SORL1: variants seen among roughly 807,000 people sequenced by gnomAD.
SORL1 encodes the protein sortilin-related receptor.
A neutral mutation model predicts 273.7 loss-of-function variants in SORL1; 127 were observed. The ratio of observed to expected loss-of-function variants is 0.46; its 90% CI spans 0.40 to 0.54. The LOEUF (loss-of-function observed/expected upper bound fraction) is 0.54, where lower values mean the gene tolerates loss of function less well. Ranked by LOEUF, SORL1 falls within the 20% of genes least tolerant of loss-of-function variation. The pLI, the probability that SORL1 is intolerant of heterozygous loss-of-function variation, is 0.00. For synonymous variants in SORL1, 1,031 were observed against 1,067.4 expected, an observed-to-expected ratio of 0.97 and a Z score of 0.66; for missense variants, 2,494 against 2,846.1, an observed-to-expected ratio of 0.88 and a Z score of 2.81.
rs1860824636 is a variant in SORL1, at chr11:121,452,712, G to A, written c.285+96G>A. On this transcript the variant is annotated intron_variant, in intron 1 of 47. Transcript: ENST00000260197. This position sits in a 1 kb window ranked among gnomAD's most constrained non-coding sequence, Gnocchi z 5.3. ...CCGTTGCAGTCGCCTCCTAGGTGCA[G>A]GCACCACTGGGGACTTCCCGGCTTG... 10 of 1,133,500 alleles carry A rather than the reference G, an allele frequency of 8.8e-6. No individual in the cohort carries two copies. The highest frequency in any genetic ancestry group is 1.2e-5 in the Non-Finnish European group (10 of 857,998). The allele number at this position is 1,133,500 out of a possible 1,614,324, so 70.2% of individuals were successfully genotyped here. A position where few individuals can be genotyped will look rare whatever the true frequency, so the allele number is the denominator to read the frequency against.
At chr11:121,621,341 G>C (rs1481292516) in intron 44 of SORL1, 103 bp downstream of exon 44, 1 of 1,067,584 alleles carries the variant, frequency 9.4e-7, no homozygotes, top group Non-Finnish European at 1.4e-6. Flanking sequence ...TGTTTCACAG[G>C]GAGTGCAAAC....
intron 13 of SORL1, 107 bp from the exon 14 acceptor site, chr11:121,545,136 A>G: frequency 1.0e-6 from 1 of 1,002,382 alleles, no homozygotes; most frequent in Non-Finnish European, 1.5e-6. Flanking sequence ...GCGGGGTGGC[A>G]ACAGATAGAC....
At chr11:121,508,152 C>T (rs1861815538) in intron 6 of SORL1, among the ~76,000 whole-genome samples, 1 of 152,186 alleles carries the variant, frequency 6.6e-6, no homozygotes, top group Admixed American at 6.5e-5. Flanking sequence ...TTAGGGTATA[C>T]CTTCAATGCT....
At chr11:121,606,406 A>G (rs1591350285) in intron 35 of SORL1, among the ~76,000 whole-genome samples, 1 of 152,230 alleles carries the variant, frequency 6.6e-6, no homozygotes, top group South Asian at 2.1e-4. Context: ...GAAGATGATC[A>G]AATTCATTTG....
intron 5 of SORL1, among the ~76,000 whole-genome samples, chr11:121,491,148 C>G (rs538881813): frequency 6.6e-6 from 1 of 152,078 alleles, no homozygotes; most frequent in Non-Finnish European, 1.5e-5. Flanking sequence ...AACATGAACT[C>G]TTAATTTTGG....
intron 31 of SORL1, among the ~76,000 whole-genome samples, chr11:121,592,707 G>A (rs745961801): frequency 6.6e-6 from 1 of 152,146 alleles, no homozygotes; most frequent in East Asian, 1.9e-4. Context: ...TACAATAATA[G>A]GCAAATAGTC....
At chr11:121,537,724 A>G (rs1434075198) in intron 12 of SORL1, among the ~76,000 whole-genome samples, 1 of 152,156 alleles carries the variant, frequency 6.6e-6, no homozygotes, top group Non-Finnish European at 1.5e-5. Context: ...CTTCCATTTT[A>G]CTTTGGGACA....
rs961830300 is a variant in SORL1, at chr11:121,493,891, A to G, written c.759-2978A>G. 3.9e-5 allele frequency among the ~76,000 whole-genome samples: 6 copies of G among 152,278 alleles called. No individual in the cohort carries two copies. In the South Asian group the frequency reaches 1.2e-3, roughly 32 times the overall value. On this transcript the variant is annotated intron_variant, in intron 5 of 47. Coordinates refer to ENST00000260197, the MANE Select transcript of SORL1 (RefSeq NM_003105.6). Reference sequence around the variant, plus strand: ...GAGCCTTACAGCTGACCATCATCAGACACCCATAGATTCTGTTTATGTTTC... The same window carrying G: ...GAGCCTTACAGCTGACCATCATCAGGCACCCATAGATTCTGTTTATGTTTC...
intron 14 of SORL1, among the ~76,000 whole-genome samples, chr11:121,548,126 A>G (rs955938973): frequency 1.5e-4 from 23 of 152,198 alleles, no homozygotes; most frequent in African/African-American, 5.6e-4. Context: ...GTGTAGATAC[A>G]TACACACATA....
At position 121,559,625 on chromosome 11, in the gene SORL1, A is replaced by C; in HGVS notation, c.3017A>C (p.Asp1006Ala). 6.2e-7 allele frequency: 1 copy of C among 1,614,164 alleles called. No individual in the cohort carries two copies. Among genetic ancestry groups the C allele is most frequent in the Non-Finnish European group, 8.5e-7 (1 of 1,180,004 alleles). ...ILANQLTGLM[D>A]MKIFYKGKNT... Reference sequence around the variant, plus strand: ...GCAAACCAGCTCACGGGGCTCATGGACATGAAGATTTTCTACAAGGGGAAG... The same window carrying C: ...GCAAACCAGCTCACGGGGCTCATGGCCATGAAGATTTTCTACAAGGGGAAG... Residue 1006 changes from aspartate (D) to alanine (A), a missense_variant, in exon 21 of 48, where the codon GAC (aspartate) becomes GCC (alanine). Asp to Ala is a moderately radical substitution (Grantham distance 126). Around this residue, in one of 3 missense-constraint regions of SORL1, gnomAD observed 1,609 missense variants for 1,816.4 expected, o/e 0.89. Transcript: ENST00000260197.
chr11:121,512,404 C>T (rs1463304725), intron 6 of SORL1, among the ~76,000 whole-genome samples: 3 of 152,198 alleles, frequency 2.0e-5, no homozygotes. Context: ...ATGTGGTCAA[C>T]ATCATGTTGA....
intron 21 of SORL1, among the ~76,000 whole-genome samples, chr11:121,560,265 G>T (rs1862650955): frequency 6.6e-6 from 1 of 152,200 alleles, no homozygotes. Flanking sequence ...GAAAGAATAA[G>T]GGATGAAAAG....
chr11:121,456,000 A>G (rs1157373278), intron 1 of SORL1, among the ~76,000 whole-genome samples: 2 of 152,172 alleles, frequency 1.3e-5, no homozygotes, highest in African/African-American at 4.8e-5. Context: ...CTAAAAAAAA[A>G]AAAAAAAAAG....
chr11:121,452,440 G>C lies in SORL1; in HGVS notation c.109G>C (p.Gly37Arg). ...CGAAGTCTGGACGCAGAGGCTGCAC[G>C]GCGGCAGCGCGCCCTTGCCCCAGGA... ...LCEVWTQRLH[G>R]GSAPLPQDRG... Residue 37 changes from glycine (G) to arginine (R), a missense_variant, in exon 1 of 48, where the codon GGC becomes CGC. By Grantham distance (125) the Gly-to-Arg change is moderately radical (BLOSUM62 -2). This residue lies in a region of SORL1 where 175 missense variants were observed against 147.1 expected (regional missense o/e 1.19). Coordinates refer to ENST00000260197, the MANE Select transcript of SORL1 (RefSeq NM_003105.6). This position sits in a 1 kb window ranked among gnomAD's most constrained non-coding sequence, Gnocchi z 5.3. 1.3e-6 allele frequency: 2 copies of C among 1,500,466 alleles called. No homozygotes were observed. Among genetic ancestry groups the C allele is most frequent in the Non-Finnish European group, 1.8e-6 (2 of 1,128,618 alleles). The allele number at this position is 1,500,466 out of a possible 1,614,324, so 92.9% of individuals were successfully genotyped here.
chr11:121,568,058 A>G (rs186961740), intron 22 of SORL1, among the ~76,000 whole-genome samples: 2 of 151,600 alleles, frequency 1.3e-5, no homozygotes, highest in African/African-American at 2.4e-5. Flanking sequence ...GAGCCCAGCT[A>G]ATTTCTTTTA....
rs150132784 is a variant in SORL1 at position 121,535,486 on chromosome 11, G to T, written c.1685+2934G>T. Among the ~76,000 whole-genome samples, 26 of 152,292 alleles carry T rather than the reference G, an allele frequency of 1.7e-4. No homozygotes were observed. The East Asian group carries it at 4.6e-3, about 27-fold the overall frequency. On this transcript the variant is annotated intron_variant, in intron 12 of 47. Transcript: ENST00000260197. ...TCGGGAGCTGCCTGTGCCCACTGTG[G>T]CTCTGTGATGTTTCTGAGCCAGATG...
chr11:121,463,735 G>A (rs919849437), intron 1 of SORL1, among the ~76,000 whole-genome samples: 12 of 152,220 alleles, frequency 7.9e-5, no homozygotes, highest in Non-Finnish European at 1.5e-4. Context: ...AAGTGAGTGA[G>A]CTGAGATTCC....
In SORL1 at chr11:121,545,319, C is replaced by A. The variant is rs1862409392; in HGVS notation, c.1941C>A (p.His647Gln). Residue 647 changes from histidine (H) to glutamine (Q), a missense_variant, in exon 14 of 48, where the codon CAC becomes CAA. Around this residue, in one of 3 missense-constraint regions of SORL1, gnomAD observed 710 missense variants for 882.5 expected, o/e 0.80. Transcript: ENST00000260197. Reference protein sequence around the residue: ...DERGNECLLGHKTVFKRRTPH... With the variant: ...DERGNECLLGQKTVFKRRTPH... ...GGGGGAATGAGTGTTTGCTGGGACA[C>A]AAGACTGTTTTCAAACGGCGGACCC... 6.2e-7 allele frequency: 1 copy of A among 1,614,154 alleles called. No individual in the cohort carries two copies. The highest frequency in any genetic ancestry group is 2.2e-5 in the East Asian group (1 of 44,882).
chr11:121,560,433 C>T (rs1862653827), intron 21 of SORL1, among the ~76,000 whole-genome samples: 1 of 152,150 alleles, frequency 6.6e-6, no homozygotes, highest in Admixed American at 6.5e-5. Context: ...TTTGATTTTG[C>T]TTATCTCCCA....
Sources: allele counts gnomAD v4.1 joint callset (sites outside exome capture counted in the v4.1 genomes callset), GRCh38; gene constraint gnomAD v4.1.1; regional missense constraint gnomAD v4.1.1; non-coding constraint Gnocchi (gnomAD v3.1); transcripts MANE v1.5; gene names NCBI Gene and HGNC (gene_info 2026-07-23, HGNC 2026-07-21).